Variants in CPVL observed in about 807,000 individuals in gnomAD.
CPVL encodes the protein carboxypeptidase vitellogenic like, also known as probable serine carboxypeptidase CPVL.
Under a neutral mutation model 63.7 loss-of-function variants are expected in CPVL, and 51 were observed. The ratio of observed to expected loss-of-function variants is 0.80; its 90% confidence interval spans 0.64 to 1.01. CPVL has a LOEUF of 1.01. CPVL is among the 50% of genes least tolerant of loss of function. CPVL has a pLI of 0.00. For synonymous variants in CPVL, 195 were observed against 206.0 expected (o/e 0.95, Z 0.46); for missense variants, 530 against 573.1 (o/e 0.92, Z 0.77).
chr7:29,071,041 G>A (rs1783682027), intron 9 of CPVL, among the ~76,000 whole-genome samples: 2 of 151,886 alleles, frequency 1.3e-5, no homozygotes, highest in Admixed American at 1.3e-4. Context: ...TGGCTGTATA[G>A]TAAATACGGC....
intron 2 of CPVL, among the ~76,000 whole-genome samples, chr7:29,186,235 CA>C (rs1203679159): frequency 6.6e-6 from 1 of 150,690 alleles, no homozygotes; most frequent in Non-Finnish European, 1.5e-5. Flanking sequence ...TGGCCTGCCC[CA>C]AAGTTTATGT....
At chr7:29,038,793 C>T (rs1393225092) in intron 11 of CPVL, among the ~76,000 whole-genome samples, 1 of 152,234 alleles carries the variant, frequency 6.6e-6, no homozygotes, top group African/African-American at 2.4e-5. Context: ...TATTTCACTT[C>T]CTTCCTGGAT....
chr7:29,140,813 A>G (rs1479724476), intron 1 of CPVL, among the ~76,000 whole-genome samples: 1 of 152,238 alleles, frequency 6.6e-6, no homozygotes, highest in African/African-American at 2.4e-5. Flanking sequence ...CTGTGGGACA[A>G]TGAGGGAAGG....
intron 3 of CPVL, among the ~76,000 whole-genome samples, chr7:29,101,370 G>A (rs367837874): frequency 6.6e-6 from 1 of 152,222 alleles, no homozygotes; most frequent in African/African-American, 2.4e-5. Context: ...GGAGGCTGAG[G>A]CGGGTGGATC....
chr7:29,109,669 A>T (rs1236754112), intron 3 of CPVL, among the ~76,000 whole-genome samples: 1 of 151,860 alleles, frequency 6.6e-6, no homozygotes, highest in Non-Finnish European at 1.5e-5. Context: ...CCGTTTTTTC[A>T]TCTCTGCCCC....
chr7:29,160,745 G>A (rs1180281767), intron 5 of CPVL, among the ~76,000 whole-genome samples: 2 of 152,156 alleles, frequency 1.3e-5, no homozygotes, highest in Admixed American at 1.3e-4. Flanking sequence ...AGGCAGAGAG[G>A]AAGGGCTAAA....
At chr7:29,142,527 A>C (rs1413432712) in intron 1 of CPVL, among the ~76,000 whole-genome samples, 1 of 29,028 alleles carries the variant, frequency 3.4e-5, no homozygotes, top group Non-Finnish European at 5.5e-5. Context: ...ACTTCCAGAT[A>C]CTTTTTTTTT....
chr7:29,005,633 C>A (rs1159408615), intron 12 of CPVL, among the ~76,000 whole-genome samples: 1 of 152,182 alleles, frequency 6.6e-6, no homozygotes, highest in Non-Finnish European at 1.5e-5. Context: ...ACATGCAATG[C>A]CAAACACCCT....
chr7:29,094,104 G>C (rs1003437829), intron 5 of CPVL, among the ~76,000 whole-genome samples: 4 of 152,188 alleles, frequency 2.6e-5, no homozygotes, highest in Non-Finnish European at 4.4e-5. Context: ...ACTTTGGGAG[G>C]CTGAGGTGGG....
chr7:29,034,574 C>A (rs187369827), intron 11 of CPVL, among the ~76,000 whole-genome samples: 2 of 152,142 alleles, frequency 1.3e-5, no homozygotes, highest in African/African-American at 4.8e-5. Flanking sequence ...CCTCCCCCTG[C>A]ACCCTCCTGA....
chr7:29,146,661 C>T (rs1413543164), upstream of CPVL: 2 of 1,550,484 alleles, frequency 1.3e-6, no homozygotes, highest in African/African-American at 1.4e-5. Flanking sequence ...CGCATCAAGT[C>T]AGCGCTTCCC....
chr7:29,154,934 A>G (rs1794126270), intron 5 of CPVL, among the ~76,000 whole-genome samples: 1 of 152,238 alleles, frequency 6.6e-6, no homozygotes, highest in African/African-American at 2.4e-5. Context: ...TGGCTGGGGA[A>G]GCCTCACAAT....
chr7:29,169,884 A>G (rs932542379), intron 5 of CPVL, among the ~76,000 whole-genome samples: 1 of 140,756 alleles, frequency 7.1e-6, no homozygotes, highest in Non-Finnish European at 1.5e-5. Context: ...GTGTGTGTAT[A>G]TATATATGTA....
At chr7:29,192,412 C>G (rs1328416282) in intron 1 of CPVL, 1 of 152,204 alleles carries the variant, frequency 6.6e-6, no homozygotes, top group Non-Finnish European at 1.5e-5. Context: ...GAAACATAAT[C>G]TGTTGTCCTT....
At chr7:29,127,848 C>T (rs1345084847) in intron 1 of CPVL, among the ~76,000 whole-genome samples, 1 of 152,144 alleles carries the variant, frequency 6.6e-6, no homozygotes, top group Non-Finnish European at 1.5e-5. Context: ...ACTCTTTTGT[C>T]CTCCAATTAC....
In CPVL at chr7:28,995,861, G is replaced by T. The variant is rs748029684; in HGVS notation, c.1342C>A (p.His448Asn). The T allele has an allele frequency of 6.3e-7, 1 of 1,592,806 alleles. No individual in the cohort carries two copies. Among genetic ancestry groups the T allele is most frequent in the Non-Finnish European group, 8.5e-7 (1 of 1,170,666 alleles). ...FHQVIIRGGG[H>N]ILPYDQPLRA... is the part of the protein sequence containing the mutation. Reference sequence around the variant, plus strand: ...AGAGGCTGGTCATAGGGTAAAATATGTCCTCCACCTCGAATAATTACCTTA... The same window carrying T: ...AGAGGCTGGTCATAGGGTAAAATATTTCCTCCACCTCGAATAATTACCTTA... The change falls in exon 13 of 13, where the codon CAT (histidine) becomes AAT (asparagine). Residue 448 changes from histidine (H) to asparagine (N), a missense_variant. Coordinates refer to ENST00000265394, the MANE Select transcript of CPVL (RefSeq NM_031311.5).
Position 29,021,969 on chromosome 7 carries a change from C to T in CPVL, c.1320+8608G>A, listed in dbSNP as rs534855220. ...AAACTTTAGCTCATGCAATGTCTTA[C>T]GCCCCAAGGAATGGGTAGTGAAACA... On this transcript the variant is annotated intron_variant, in intron 12 of 12. Transcript: ENST00000265394. Among the ~76,000 whole-genome samples, 86 of 152,312 alleles carry T rather than the reference C, an allele frequency of 5.6e-4. 1 individual carries two copies. Among genetic ancestry groups the T allele is most frequent in the East Asian group, 5.6e-3 (29 of 5,160 alleles).
chr7:29,146,868 G>T (rs753043260), upstream of CPVL: 12 of 1,551,054 alleles, frequency 7.7e-6, no homozygotes, highest in African/African-American at 2.7e-5. Flanking sequence ...GCAAGCCCAG[G>T]ATTTACATTT....
At chr7:29,149,316 CG>C (rs1426703659), upstream of CPVL, among the ~76,000 whole-genome samples, 4 of 151,514 alleles carry the variant, frequency 2.6e-5, no homozygotes, top group Admixed American at 2.0e-4. Flanking sequence ...TTCAGCCCCC[CG>C]AGTAAGCTGG....
Sources: allele counts gnomAD v4.1 joint callset (sites outside exome capture counted in the v4.1 genomes callset), GRCh38; gene constraint gnomAD v4.1.1; transcripts MANE v1.5; gene names NCBI Gene and HGNC (gene_info 2026-07-23, HGNC 2026-07-21).